The following CCBE1 variants were observed in gnomAD, a reference collection of about 807,000 sequenced individuals.
CCBE1 encodes collagen and calcium-binding EGF domain-containing protein 1.
In CCBE1, 37 loss-of-function variants were observed where a neutral mutation model predicts 50.0. That is an observed-to-expected ratio of 0.74 (90% confidence interval 0.57 to 0.97). CCBE1 has a LOEUF of 0.97. CCBE1 is among the 50% of genes least tolerant of loss of function. The probability of loss-of-function intolerance (pLI) is 0.00; values close to 1 mark genes in which losing one functional copy is unlikely to be tolerated. For synonymous variants in CCBE1, 234 were observed against 203.7 expected (o/e 1.15, Z -1.27); for missense variants, 538 against 523.8 (o/e 1.03, Z -0.26).
intron 2 of CCBE1, among the ~76,000 whole-genome samples, chr18:59,684,847 A>G (rs1274690670): frequency 6.6e-6 from 1 of 152,194 alleles, no homozygotes; most frequent in Non-Finnish European, 1.5e-5. Flanking sequence ...TGATGCATAC[A>G]GTTAACTCAA....
intron 2 of CCBE1, among the ~76,000 whole-genome samples, chr18:59,614,876 G>A (rs778184098): frequency 2.6e-5 from 4 of 152,212 alleles, no homozygotes; most frequent in Non-Finnish European, 5.9e-5. Context: ...TGAGAAGCAT[G>A]TGTCCAATCA....
intron 5 of CCBE1, among the ~76,000 whole-genome samples, chr18:59,455,810 T>G (rs74576821): frequency 0.053 from 8,051 of 152,256 alleles, 279 homozygotes; most frequent in Middle Eastern, 0.078. Flanking sequence ...GTTGAGGGTG[T>G]TTTGTTCAGG....
At chr18:59,513,355 T>G (rs1914220607) in intron 2 of CCBE1, among the ~76,000 whole-genome samples, 1 of 151,964 alleles carries the variant, frequency 6.6e-6, no homozygotes, top group East Asian at 1.9e-4. Context: ...GGTGCAGGTG[T>G]TGGGAAGAAT....
chr18:59,578,191 A>T (rs1446402880), intron 2 of CCBE1, among the ~76,000 whole-genome samples: 1 of 152,222 alleles, frequency 6.6e-6, no homozygotes, highest in Non-Finnish European at 1.5e-5. Flanking sequence ...GCCAACAAAC[A>T]TGAGAAAAAG....
At chr18:59,505,974 G>A (rs1179582127) in intron 2 of CCBE1, among the ~76,000 whole-genome samples, 1 of 152,212 alleles carries the variant, frequency 6.6e-6, no homozygotes, top group Non-Finnish European at 1.5e-5. Context: ...GCAGGTGCAG[G>A]AACTCAGGGC....
At chr18:59,670,894 G>A (rs1474567521) in intron 2 of CCBE1, among the ~76,000 whole-genome samples, 2 of 152,112 alleles carry the variant, frequency 1.3e-5, no homozygotes, top group Admixed American at 6.5e-5. Flanking sequence ...GTTTCAGTGA[G>A]CCTAGATCAC....
chr18:59,636,843 T>A (rs958830950), intron 2 of CCBE1, among the ~76,000 whole-genome samples: 2 of 152,182 alleles, frequency 1.3e-5, no homozygotes, highest in Non-Finnish European at 2.9e-5. Flanking sequence ...ATCTAACTTG[T>A]GGAAGGAGAA....
At chr18:59,476,543 A>C (rs1449952605) in intron 3 of CCBE1, among the ~76,000 whole-genome samples, 1 of 152,250 alleles carries the variant, frequency 6.6e-6, no homozygotes, top group Admixed American at 6.5e-5. Flanking sequence ...GTTGTAGTGC[A>C]AAAGAAGTCA....
chr18:59,664,773 T>C (rs1403220803), intron 2 of CCBE1, among the ~76,000 whole-genome samples: 1 of 152,124 alleles, frequency 6.6e-6, no homozygotes, highest in Non-Finnish European at 1.5e-5. Context: ...ATAAGCTGAG[T>C]GGCAGTAGGG....
At chr18:59,650,194 G>A (rs955151477) in intron 2 of CCBE1, among the ~76,000 whole-genome samples, 2 of 151,896 alleles carry the variant, frequency 1.3e-5, no homozygotes, top group Non-Finnish European at 2.9e-5. Context: ...AATCATAAGA[G>A]GGAACTGTTT....
At chr18:59,565,276 A>G (rs1245256304) in intron 2 of CCBE1, among the ~76,000 whole-genome samples, 1 of 101,500 alleles carries the variant, frequency 9.9e-6, no homozygotes, top group Non-Finnish European at 1.9e-5. Context: ...GAAGGCTGTC[A>G]GAGTTCTAGG....
chr18:59,485,275 A>G (rs572349925), intron 2 of CCBE1, among the ~76,000 whole-genome samples: 4 of 152,158 alleles, frequency 2.6e-5, no homozygotes, highest in Non-Finnish European at 5.9e-5. Flanking sequence ...TAAATAAATA[A>G]AAGTCGTGCA....
intron 2 of CCBE1, among the ~76,000 whole-genome samples, chr18:59,609,515 C>T (rs2053543504): frequency 6.6e-6 from 1 of 152,196 alleles, no homozygotes; most frequent in South Asian, 2.1e-4. Context: ...TTCTCCCTTA[C>T]TTCAGTCTCC....
chr18:59,460,874 G>A (rs62094290), intron 5 of CCBE1, among the ~76,000 whole-genome samples: 20,124 of 151,890 alleles, frequency 0.13, 1,618 homozygotes, highest in African/African-American at 0.22. Flanking sequence ...GGCAGAGGTT[G>A]CAGTGAGCGG....
At chr18:59,527,792 G>T (rs906652820) in intron 2 of CCBE1, among the ~76,000 whole-genome samples, 2 of 152,042 alleles carry the variant, frequency 1.3e-5, no homozygotes, top group Admixed American at 6.6e-5. Flanking sequence ...CTTTTAAAAA[G>T]GTTGAATACT....
intron 2 of CCBE1, among the ~76,000 whole-genome samples, chr18:59,649,496 AACAG>A (rs1449231144): frequency 1.3e-5 from 2 of 151,652 alleles, no homozygotes; most frequent in African/African-American, 4.9e-5. Context: ...GCACCATAAT[AACAG>A]ACAGACATTT....
intron 2 of CCBE1, among the ~76,000 whole-genome samples, chr18:59,632,319 C>T (rs138990399): frequency 0.025 from 3,870 of 152,272 alleles, 166 homozygotes; most frequent in African/African-American, 0.089. Flanking sequence ...GAGACTGAGT[C>T]TTGCTCTATT....
rs372407673 is a variant in CCBE1, at chr18:59,461,399, C to T, written c.553+5340G>A. On this transcript the variant is annotated intron_variant, in intron 5 of 10. Coordinates refer to ENST00000439986, the MANE Select transcript of CCBE1 (RefSeq NM_133459.4). ...TGACTTTAATGTTCAGGGCATGCAACGGCCTGTCCTTTCTCATAATTTTAA... is the reference window on the plus strand; with the variant it reads ...TGACTTTAATGTTCAGGGCATGCAATGGCCTGTCCTTTCTCATAATTTTAA... 1.6e-3 allele frequency among the ~76,000 whole-genome samples: 243 copies of T among 151,526 alleles called. 1 individual carries two copies. The highest frequency in any genetic ancestry group is 5.1e-3 in the African/African-American group (210 of 41,328).
chr18:59,448,231 T>C (rs1598908423), intron 6 of CCBE1, 128 bp from the exon 7 acceptor site: 3 of 1,347,850 alleles, frequency 2.2e-6, no homozygotes, highest in East Asian at 2.5e-5. Flanking sequence ...TAGAGCTAGT[T>C]AGAGCTCAGA....
Sources: allele counts gnomAD v4.1 joint callset (sites outside exome capture counted in the v4.1 genomes callset), GRCh38; gene constraint gnomAD v4.1.1; transcripts MANE v1.5; gene names NCBI Gene and HGNC (gene_info 2026-07-23, HGNC 2026-07-21).